DCHS1: variants seen among roughly 807,000 people sequenced by gnomAD.
DCHS1 encodes the protein protocadherin-16.
DCHS1 carries 78 observed loss-of-function variants against 213.9 expected under a neutral mutation model. The ratio of observed to expected loss-of-function variants is 0.36; its 90% CI spans 0.30 to 0.44. The LOEUF is 0.44. DCHS1 is among the 20% of genes least tolerant of loss of function. DCHS1 has a pLI of 1.00. For synonymous variants in DCHS1, 1,828 were observed against 1,873.7 expected (o/e 0.98, Z 0.63); for missense variants, 3,946 against 4,395.9 (o/e 0.90, Z 2.89).
chr11:6,622,740 G>A lies in DCHS1; in HGVS notation c.8936C>T (p.Ala2979Val), dbSNP rs1310034743. 1.3e-6 allele frequency: 2 copies of A among 1,590,970 alleles called. No homozygotes were observed. The highest frequency in any genetic ancestry group is 4.6e-5 in the East Asian group (2 of 43,552). ...EAAPGPMSQA[A>V]PLASDSLQKL... ...CTGCAGTGAGTCACTGGCTAGGGGTGCTGCCTGTGACATTGGGCCAGGGGC... is the reference window on the plus strand; with the variant it reads ...CTGCAGTGAGTCACTGGCTAGGGGTACTGCCTGTGACATTGGGCCAGGGGC... The change falls in exon 21 of 21, where the codon GCA (alanine) becomes GTA (valine). Residue 2979 changes from alanine (A) to valine (V), a missense_variant. Ala to Val is a moderately conservative substitution (Grantham distance 64). This residue lies in a region of DCHS1 where 554 missense variants were observed against 590.2 expected (regional missense o/e 0.94). Coordinates refer to ENST00000299441, the MANE Select transcript of DCHS1 (RefSeq NM_003737.4). This position sits in a 1 kb window ranked among gnomAD's most constrained non-coding sequence, Gnocchi z 5.4.
Position 6,655,787 on chromosome 11 carries a change from C to T in DCHS1, c.-345G>A. 3 of 979,200 alleles carry T rather than the reference C, an allele frequency of 3.1e-6. No homozygotes were observed. Among genetic ancestry groups the T allele is most frequent in the Non-Finnish European group, 2.4e-6 (2 of 827,044 alleles). The allele number at this position is 979,200 out of a possible 1,614,324, so 60.7% of individuals were successfully genotyped here. A position where few individuals can be genotyped will look rare whatever the true frequency, so the allele number is the denominator to read the frequency against. On this transcript the variant is annotated 5_prime_UTR_variant, in exon 1 of 21. Transcript: ENST00000299441. ...GGGCGCCGCCTCCTGCACAGCCGCC[C>T]CGCCGAGGATGCGAGCTCCGCTGCC...
At chr11:6,638,657 C>T (rs991326948) in intron 2 of DCHS1, among the ~76,000 whole-genome samples, 1 of 152,200 alleles carries the variant, frequency 6.6e-6, no homozygotes, top group African/African-American at 2.4e-5. Flanking sequence ...GCACTAGTTG[C>T]TGATGTGTCT....
In DCHS1 at chr11:6,632,782, C is replaced by T. The variant is rs753506452; in HGVS notation, c.2730G>A (p.Gly910=). Residue 910 remains glycine, a synonymous_variant, in exon 6 of 21, where the codon GGG becomes GGA. Coordinates refer to ENST00000299441, the MANE Select transcript of DCHS1 (RefSeq NM_003737.4). The surrounding 1 kb of genome is among the most constrained non-coding windows in gnomAD (Gnocchi z 5.9). ...GAGCCCGCAGTGTATAGATGGGAGTCCCTGGGGCAGTGTTTGGTGGTAGCA... is the reference window on the plus strand; with the variant it reads ...GAGCCCGCAGTGTATAGATGGGAGTTCCTGGGGCAGTGTTTGGTGGTAGCA... ...TVLLPPNTAP[G]TPIYTLRALD... 2.3e-5 allele frequency: 37 copies of T among 1,613,594 alleles called. No homozygotes were observed. The highest frequency in any genetic ancestry group is 2.9e-5 in the Non-Finnish European group (34 of 1,179,774).
Position 6,622,100 on chromosome 11 carries a change from T to A in DCHS1, c.9576A>T (p.Pro3192=), listed in dbSNP as rs1250587351. ...GGTCGATACGGGGAGCTGGGGGACA[T>A]GGCCGAGCTTCATCCTTGAGCCGAG... The part of the protein sequence containing the change: ...EIARLKDEAR[P]CPPAPRIDPP... The change falls in exon 21 of 21, where the codon CCA becomes CCT. Residue 3192 remains proline, a synonymous_variant. Transcript: ENST00000299441. The surrounding 1 kb of genome is among the most constrained non-coding windows in gnomAD (Gnocchi z 5.4). The A allele has an allele frequency of 1.9e-6, 3 of 1,613,204 alleles. No individual in the cohort carries two copies. The South Asian group carries it at 3.3e-5, about 18-fold the overall frequency.
chr11:6,626,206 A>G lies in DCHS1; in HGVS notation c.6539T>C (p.Leu2180Pro). 3.1e-6 allele frequency: 5 copies of G among 1,611,322 alleles called. No homozygotes were observed. Among genetic ancestry groups the G allele is most frequent in the Non-Finnish European group, 4.2e-6 (5 of 1,178,790 alleles). ...CCCCTCCAAGGGCCGGGACTCAGGA[A>G]GGAAGGCCACATAATGGGGCCGCAG... ...RFLRPHYVAF[L>P]PESRPLEGPL... The change falls in exon 16 of 21, where the codon CTT becomes CCT. Residue 2180 changes from leucine (L) to proline (P), a missense_variant. Physicochemically the swap from Leu to Pro is moderately conservative, Grantham distance 98 (BLOSUM62 -3). This residue lies in a region of DCHS1 where 3,384 missense variants were observed against 3,780.1 expected (regional missense o/e 0.90). Transcript: ENST00000299441. This position sits in a 1 kb window ranked among gnomAD's most constrained non-coding sequence, Gnocchi z 5.2.
chr11:6,623,635 C>T lies in DCHS1; in HGVS notation c.8041G>A (p.Asp2681Asn). The change falls in exon 21 of 21, where the codon GAC (aspartate) becomes AAC (asparagine). Residue 2681 changes from aspartate (D) to asparagine (N), a missense_variant. Transcript: ENST00000299441. ...ARHQLVVQAA[D>N]PAGAHFALAP... is the part of the protein sequence containing the mutation. ...AAAGCAAAGTGTGCACCAGCAGGGT[C>T]AGCAGCCTGTACTACAAGCTGATGT... is the stretch of plus-strand genomic sequence containing the variant. The T allele has an allele frequency of 1.2e-6, 2 of 1,613,814 alleles. No homozygotes were observed. The highest frequency in any genetic ancestry group is 2.2e-5 in the South Asian group (2 of 91,072).
chr11:6,623,149 C>T lies in DCHS1; in HGVS notation c.8527G>A (p.Gly2843Ser). 1 of 1,608,990 alleles carries T rather than the reference C, an allele frequency of 6.2e-7. No homozygotes were observed. The highest frequency in any genetic ancestry group is 1.1e-5 in the South Asian group (1 of 90,150). Residue 2843 changes from glycine (G) to serine (S), a missense_variant, in exon 21 of 21, where the codon GGT (glycine) becomes AGT (serine). Physicochemically the swap from Gly to Ser is moderately conservative, Grantham distance 56 (BLOSUM62 0). Coordinates refer to ENST00000299441, the MANE Select transcript of DCHS1 (RefSeq NM_003737.4). ...GHVQATDEDG[G>S]ADGLVLYSLA... is the part of the protein sequence containing the mutation. The stretch of plus-strand genomic sequence containing the variant: ...GAATACAGAACCAGGCCATCGGCAC[C>T]CCCATCCTCATCTGTGGCCTGCACG...
Position 6,625,285 on chromosome 11 carries a change from A to C in DCHS1, c.7059T>G (p.Asp2353Glu). The C allele has an allele frequency of 6.2e-7, 1 of 1,613,888 alleles. No individual in the cohort carries two copies. The highest frequency in any genetic ancestry group is 8.5e-7 in the Non-Finnish European group (1 of 1,179,884). ...DRYQLQLLAH[D>E]GPHEGRANLT... ...GGTTGGCACGGCCCTCATGAGGCCC[A>C]TCATGTGCCAGCAGCTGCAGCTGGT... is the stretch of plus-strand genomic sequence containing the variant. Residue 2353 changes from aspartate to glutamate, a missense_variant, in exon 19 of 21, where the codon GAT becomes GAG. Physicochemically the swap from Asp to Glu is conservative, Grantham distance 45 (BLOSUM62 2). Around this residue, in one of 3 missense-constraint regions of DCHS1, gnomAD observed 3,384 missense variants for 3,780.1 expected, o/e 0.90. Coordinates refer to ENST00000299441, the MANE Select transcript of DCHS1 (RefSeq NM_003737.4). The surrounding 1 kb of genome is among the most constrained non-coding windows in gnomAD (Gnocchi z 5.3).
At chr11:6,636,444 A>C (rs1855986859) in intron 2 of DCHS1, among the ~76,000 whole-genome samples, 1 of 152,094 alleles carries the variant, frequency 6.6e-6, no homozygotes, top group African/African-American at 2.4e-5. Flanking sequence ...TCCTGGCCTC[A>C]ACCAGTCCTT....
At chr11:6,639,416 C>G (rs1856032836) in intron 2 of DCHS1, among the ~76,000 whole-genome samples, 1 of 152,202 alleles carries the variant, frequency 6.6e-6, no homozygotes, top group Admixed American at 6.5e-5. Flanking sequence ...AGGATTTCTT[C>G]CAGCACAACC....
chr11:6,624,304 C>A lies in DCHS1; in HGVS notation c.7372G>T (p.Gly2458Trp). The A allele has an allele frequency of 4.4e-6, 7 of 1,587,480 alleles. No individual in the cohort carries two copies. Among genetic ancestry groups the A allele is most frequent in the East Asian group, 2.3e-5 (1 of 43,274 alleles). The stretch of plus-strand genomic sequence containing the variant: ...GCTCGTGCTGCCCGGCCTGGAGCCC[C>A]GTGGTCTCGTGCTTCCAGCACCACA... Reference protein sequence around the residue: ...VDVVLEARDHGAPGRAARATV... With the variant: ...VDVVLEARDHWAPGRAARATV... The change falls in exon 21 of 21, where the codon GGG becomes TGG. Residue 2458 changes from glycine (G) to tryptophan (W), a missense_variant. Gly to Trp is a radical substitution (Grantham distance 184). This residue lies in a region of DCHS1 where 3,384 missense variants were observed against 3,780.1 expected (regional missense o/e 0.90). Transcript: ENST00000299441.
intron 12 of DCHS1, among the ~76,000 whole-genome samples, 174 bp downstream of exon 12, chr11:6,629,278 G>C (rs1855861583): frequency 2.0e-5 from 3 of 152,246 alleles, no homozygotes; most frequent in Admixed American, 1.3e-4. Flanking sequence ...CTAGAAGTCA[G>C]TTGACCTTGC....
In DCHS1 at chr11:6,622,933, T is replaced by C. The variant is rs774657881; in HGVS notation, c.8743A>G (p.Thr2915Ala). 4.4e-6 allele frequency: 7 copies of C among 1,588,170 alleles called. No homozygotes were observed. Among genetic ancestry groups the C allele is most frequent in the Non-Finnish European group, 6.0e-6 (7 of 1,167,444 alleles). ...RGPLPGSRSA[T>A]VPVTVDITHT... is the part of the protein sequence containing the mutation. ...GTGATATCCACGGTCACAGGCACTG[T>C]GGCACTCCGGGAACCAGGCAGAGGC... Residue 2915 changes from threonine to alanine, a missense_variant, in exon 21 of 21, where the codon ACA (threonine) becomes GCA (alanine). Physicochemically the swap from Thr to Ala is moderately conservative, Grantham distance 58. Coordinates refer to ENST00000299441, the MANE Select transcript of DCHS1 (RefSeq NM_003737.4). The surrounding 1 kb of genome is among the most constrained non-coding windows in gnomAD (Gnocchi z 5.4).
At position 6,622,409 on chromosome 11, in the gene DCHS1, C is replaced by T; in HGVS notation, c.9267G>A (p.Trp3089Ter). 1 of 1,556,152 alleles carries T rather than the reference C, an allele frequency of 6.4e-7. No individual in the cohort carries two copies. The highest frequency in any genetic ancestry group is 1.2e-5 in the South Asian group (1 of 84,132). ...TSCEPPAPDT[W>*]YKGRKAGLLL... Reference sequence around the variant, plus strand: ...GCAGCCCTGCCTTTCGGCCCTTATACCAGGTGTCAGGGGCAGGTGGTTCGC... The same window carrying T: ...GCAGCCCTGCCTTTCGGCCCTTATATCAGGTGTCAGGGGCAGGTGGTTCGC... Residue 3089 changes from tryptophan (W) to a stop codon, truncating the protein, a stop_gained, in exon 21 of 21, where the codon TGG (tryptophan) becomes TGA (stop). Transcript: ENST00000299441. LOFTEE classifies it high-confidence loss of function. This position sits in a 1 kb window ranked among gnomAD's most constrained non-coding sequence, Gnocchi z 5.4.
Position 6,627,608 on chromosome 11 carries a change from G to A in DCHS1, c.5431C>T (p.Arg1811Trp), listed in dbSNP as rs757316767. ...DLASGEFGTMRPLDREVEPAF... is the reference protein window; with the variant it reads ...DLASGEFGTMWPLDREVEPAF... ...GGCTCCACTTCTCTGTCTAGTGGCC[G>A]CATGGTGCCAAACTCTCCAGAAGCA... The change falls in exon 14 of 21, where the codon CGG becomes TGG. Residue 1811 changes from arginine (R) to tryptophan (W), a missense_variant. Physicochemically the swap from Arg to Trp is moderately radical, Grantham distance 101. Around this residue, in one of 3 missense-constraint regions of DCHS1, gnomAD observed 3,384 missense variants for 3,780.1 expected, o/e 0.90. Transcript: ENST00000299441. The surrounding 1 kb of genome is among the most constrained non-coding windows in gnomAD (Gnocchi z 5.4). 7.4e-6 allele frequency: 12 copies of A among 1,612,964 alleles called. No individual in the cohort carries two copies. Among genetic ancestry groups the A allele is most frequent in the Admixed American group, 5.0e-5 (3 of 59,950 alleles).
At chr11:6,631,842 T>C in intron 6 of DCHS1, 33 bp from the exon 7 acceptor site, 1 of 1,499,088 alleles carries the variant, frequency 6.7e-7, no homozygotes, top group Non-Finnish European at 8.9e-7. Flanking sequence ...ATGTACGAGA[T>C]GTTTAAGGAT....
At position 6,632,638 on chromosome 11, in the gene DCHS1, G is replaced by A. The variant is rs1458658822; in HGVS notation, c.2874C>T (p.Pro958=). 6 of 1,553,208 alleles carry A rather than the reference G, an allele frequency of 3.9e-6. No homozygotes were observed. The highest frequency in any genetic ancestry group is 5.2e-6 in the Non-Finnish European group (6 of 1,145,912). The part of the protein sequence containing the change: ...GHVRLMRPLG[P]SGGPAHELEL... ...CCAGCTCATGGGCTGGCCCTCCTGA[G>A]GGCCCCAGAGGCCTCATAAGCCGTA... The change falls in exon 6 of 21, where the codon CCC becomes CCT. Residue 958 remains proline, a synonymous_variant. Coordinates refer to ENST00000299441, the MANE Select transcript of DCHS1 (RefSeq NM_003737.4). The surrounding 1 kb of genome is among the most constrained non-coding windows in gnomAD (Gnocchi z 5.9).
chr11:6,630,389 T>G lies in DCHS1; in HGVS notation c.4405A>C (p.Asn1469His), dbSNP rs886962268. The change falls in exon 10 of 21, where the codon AAT becomes CAT. Residue 1469 changes from asparagine to histidine, a missense_variant. Coordinates refer to ENST00000299441, the MANE Select transcript of DCHS1 (RefSeq NM_003737.4). ...RASDADGPGP[N>H]SDVRYRLLRQ... is the part of the protein sequence containing the mutation. ...AGCAGGCGGTAGCGCACGTCGCTAT[T>G]GGGGCCGGGGCCGTCGGCGTCCGAC... The G allele has an allele frequency of 5.0e-6, 7 of 1,397,670 alleles. No homozygotes were observed. In the African/African-American group the frequency reaches 9.3e-5, roughly 19 times the overall value. The allele number at this position is 1,397,670 out of a possible 1,614,324, so 86.6% of individuals were successfully genotyped here.
chr11:6,624,453 G>GA (rs1855760751), intron 20 of DCHS1, 63 bp from the exon 21 acceptor site: 2 of 1,464,220 alleles, frequency 1.4e-6, no homozygotes, highest in East Asian at 5.0e-5. Context: ...ACAGAAGAGT[G>GA]ACCCTTCAGG....
Sources: allele counts gnomAD v4.1 joint callset (sites outside exome capture counted in the v4.1 genomes callset), GRCh38; gene constraint gnomAD v4.1.1; regional missense constraint gnomAD v4.1.1; non-coding constraint Gnocchi (gnomAD v3.1); transcripts MANE v1.5; gene names NCBI Gene and HGNC (gene_info 2026-07-23, HGNC 2026-07-21).